Variants in PCCA observed in about 807,000 individuals in gnomAD.
PCCA encodes propionyl-CoA carboxylase subunit alpha.
A neutral mutation model predicts 101.3 loss-of-function variants in PCCA; 74 were observed. That is an observed-to-expected ratio of 0.73 (90% CI 0.61 to 0.89). The LOEUF is 0.89. Ranked by LOEUF, PCCA falls within the 40% of genes least tolerant of loss-of-function variation. The pLI is 0.00. For synonymous variants in PCCA, 294 were observed against 313.6 expected, an observed-to-expected ratio of 0.94 and a Z score of 0.66; for missense variants, 891 against 907.0, an observed-to-expected ratio of 0.98 and a Z score of 0.23.
chr13:100,449,094 T>A (rs536315328), intron 20 of PCCA, among the ~76,000 whole-genome samples, 158 bp from the exon 21 acceptor site: 24 of 152,366 alleles, frequency 1.6e-4, no homozygotes, highest in Admixed American at 4.6e-4. Context: ...ACTACTTCAT[T>A]CCTTTTTATG....
rs775305601 is a variant in PCCA, at chr13:100,209,478, T to C, written c.600+15T>C. The C allele has an allele frequency of 5.6e-6, 9 of 1,605,558 alleles. No homozygotes were observed. The South Asian group carries it at 7.7e-5, about 14-fold the overall frequency. The stretch of plus-strand genomic sequence containing the variant: ...GAGTAGTCAAGGTGAGAAGCTACTT[T>C]AACTTTTATTGTATATGTCTTCAAG... On this transcript the variant is annotated intron_variant, in intron 7 of 23. Coordinates refer to ENST00000376285, the MANE Select transcript of PCCA (RefSeq NM_000282.4).
intron 18 of PCCA, among the ~76,000 whole-genome samples, chr13:100,342,119 A>G (rs368352460): frequency 5.9e-5 from 9 of 151,880 alleles, no homozygotes; most frequent in South Asian, 2.1e-4. Flanking sequence ...TTGAACACCC[A>G]TGCACACATT....
chr13:100,118,078 T>C (rs964469521), intron 4 of PCCA, among the ~76,000 whole-genome samples: 1 of 143,998 alleles, frequency 6.9e-6, no homozygotes, highest in African/African-American at 2.6e-5. Flanking sequence ...ATCGTGCCAC[T>C]GCAGTCCAGC....
intron 17 of PCCA, among the ~76,000 whole-genome samples, chr13:100,337,837 CT>C (rs1340239829): frequency 1.3e-5 from 2 of 152,158 alleles, no homozygotes; most frequent in East Asian, 1.9e-4. Flanking sequence ...TTGTAAAGGA[CT>C]TTGATTGTGA....
At chr13:100,350,313 TGAA>T in intron 18 of PCCA, among the ~76,000 whole-genome samples, 1 of 150,294 alleles carries the variant, frequency 6.7e-6, no homozygotes, top group Middle Eastern at 3.4e-3. Context: ...ACTGTGACAA[TGAA>T]GGTGACGTGA....
chr13:100,301,894 T>C lies in PCCA; in HGVS notation c.1209+291T>C, dbSNP rs559937572. On this transcript the variant is annotated intron_variant, in intron 13 of 23. Coordinates refer to ENST00000376285, the MANE Select transcript of PCCA (RefSeq NM_000282.4). ...ACTCTTGAGCTTGAATGGACCATGG[T>C]TTTTGTTTTGTTTGCATTTTCTTTG... Among the ~76,000 whole-genome samples, 5 of 152,284 alleles carry C rather than the reference T, an allele frequency of 3.3e-5. No homozygotes were observed. The East Asian group carries it at 9.6e-4, about 29-fold the overall frequency.
At chr13:100,122,216 C>T (rs1234035818) in intron 4 of PCCA, among the ~76,000 whole-genome samples, 1 of 152,024 alleles carries the variant, frequency 6.6e-6, no homozygotes, top group African/African-American at 2.4e-5. Context: ...CTTGGTCATG[C>T]TGTGTAATCC....
At position 100,295,222 on chromosome 13, in the gene PCCA, G is replaced by A. The variant is rs1024825925; in HGVS notation, c.1066-6238G>A. 3.3e-5 allele frequency among the ~76,000 whole-genome samples: 5 copies of A among 152,166 alleles called. No individual in the cohort carries two copies. The South Asian group carries it at 8.3e-4, about 25-fold the overall frequency. On this transcript the variant is annotated intron_variant, in intron 12 of 23. Transcript: ENST00000376285. ...AGCAGAATCTTTCTGAACAGACAGA[G>A]CAGAACCAAAAATAATGGCATTGAC...
intron 8 of PCCA, among the ~76,000 whole-genome samples, chr13:100,253,427 C>G (rs1179091842): frequency 6.6e-6 from 1 of 152,120 alleles, no homozygotes; most frequent in East Asian, 1.9e-4. Flanking sequence ...ATTTTTTAAA[C>G]TGATGAATAC....
At chr13:100,272,407 A>G (rs1365437506) in intron 11 of PCCA, among the ~76,000 whole-genome samples, 2 of 152,140 alleles carry the variant, frequency 1.3e-5, no homozygotes, top group Non-Finnish European at 2.9e-5. Flanking sequence ...ATTAACAGTG[A>G]ACTCACAATC....
intron 7 of PCCA, among the ~76,000 whole-genome samples, chr13:100,221,079 G>C (rs760733159): frequency 2.6e-5 from 4 of 152,208 alleles, no homozygotes; most frequent in Non-Finnish European, 5.9e-5. Flanking sequence ...CTGGCTTCTA[G>C]AGTCAGCATG....
chr13:100,157,325 A>G lies in PCCA; in HGVS notation c.453A>G (p.Glu151=), dbSNP rs897110640. 3 of 1,610,608 alleles carry G rather than the reference A, an allele frequency of 1.9e-6. No individual in the cohort carries two copies. Among genetic ancestry groups the G allele is most frequent in the Non-Finnish European group, 2.5e-6 (3 of 1,177,162 alleles). The part of the protein sequence containing the change: ...PGYGFLSENK[E]FARCLAAEDV... Reference sequence around the variant, plus strand: ...ATGGATTCCTTTCAGAAAACAAAGAATTTGCCAGATGTTTGGTAAGTTGGT... The same window carrying G: ...ATGGATTCCTTTCAGAAAACAAAGAGTTTGCCAGATGTTTGGTAAGTTGGT... The change falls in exon 6 of 24, where the codon GAA becomes GAG. Residue 151 remains glutamate, a synonymous_variant. Transcript: ENST00000376285.
At chr13:100,247,215 GT>G (rs143058621) in intron 8 of PCCA, among the ~76,000 whole-genome samples, 33,483 of 107,958 alleles carry the variant, frequency 0.31, 4,296 homozygotes, top group East Asian at 0.61. Flanking sequence ...GCCTGTGTGG[GT>G]TTTTTTTTTT....
chr13:100,231,265 G>T (rs926810258), intron 7 of PCCA, among the ~76,000 whole-genome samples: 1 of 152,170 alleles, frequency 6.6e-6, no homozygotes, highest in South Asian at 2.1e-4. Context: ...TGTCTTCAGG[G>T]CCCAGAATTG....
chr13:100,364,321 T>C (rs909544291), intron 18 of PCCA, among the ~76,000 whole-genome samples: 1 of 152,220 alleles, frequency 6.6e-6, no homozygotes, highest in Admixed American at 6.5e-5. Flanking sequence ...ATTTAATGGA[T>C]CTGTGTAATT....
chr13:100,265,054 G>A (rs1413623905), intron 10 of PCCA, among the ~76,000 whole-genome samples: 1 of 152,054 alleles, frequency 6.6e-6, no homozygotes, highest in Admixed American at 6.5e-5. Context: ...AAAATTACTG[G>A]AGTGTCCGAG....
At chr13:100,174,742 GA>G (rs1303164139) in intron 6 of PCCA, among the ~76,000 whole-genome samples, 1 of 135,738 alleles carries the variant, frequency 7.4e-6, no homozygotes, top group Non-Finnish European at 1.6e-5. Context: ...AAAAAAAAAA[GA>G]AAAAAAAAGA....
At position 100,334,693 on chromosome 13, in the gene PCCA, CA is replaced by C. The variant is rs533512963; in HGVS notation, c.1540+4025del. Among the ~76,000 whole-genome samples, 3 of 151,846 alleles carry C rather than the reference CA, an allele frequency of 2.0e-5. No individual in the cohort carries two copies. The South Asian group carries it at 6.2e-4, about 32-fold the overall frequency. On this transcript the variant is annotated intron_variant, in intron 17 of 23. Transcript: ENST00000376285. ...ACTACTAAGATCCAAATTAGTGACT[CA>C]AAGGAATAAATGGAAGTATCTCAAA...
At chr13:100,254,042 G>A (rs1228672354) in intron 8 of PCCA, among the ~76,000 whole-genome samples, 1 of 152,082 alleles carries the variant, frequency 6.6e-6, no homozygotes, top group Non-Finnish European at 1.5e-5. Context: ...ACATGGCTGG[G>A]GAGGCCTCAC....
Sources: allele counts gnomAD v4.1 joint callset (sites outside exome capture counted in the v4.1 genomes callset), GRCh38; gene constraint gnomAD v4.1.1; transcripts MANE v1.5; gene names NCBI Gene and HGNC (gene_info 2026-07-23, HGNC 2026-07-21).